The following SSBP2 variants were observed in gnomAD, a reference collection of about 807,000 sequenced individuals.
SSBP2 encodes single stranded DNA binding protein 2.
Under a neutral mutation model 61.8 loss-of-function variants are expected in SSBP2, and 17 were observed. The ratio of observed to expected loss-of-function variants is 0.28; its 90% CI spans 0.19 to 0.41. SSBP2 has a LOEUF of 0.41. SSBP2 is among the 10% of genes least tolerant of loss of function. SSBP2 has a pLI of 1.00. For missense variants in SSBP2, 310 were observed against 458.7 expected, an observed-to-expected ratio of 0.68 and a Z score of 2.96; for synonymous variants, 139 against 141.3, an observed-to-expected ratio of 0.98 and a Z score of 0.12.
chr5:81,654,814 T>C (rs1197260022), intron 1 of SSBP2, among the ~76,000 whole-genome samples: 1 of 151,968 alleles, frequency 6.6e-6, no homozygotes, highest in Non-Finnish European at 1.5e-5. Context: ...CCATGTCTAG[T>C]AACGTGAGAT....
At chr5:81,622,720 G>A (rs1424950950) in intron 3 of SSBP2, among the ~76,000 whole-genome samples, 1 of 152,040 alleles carries the variant, frequency 6.6e-6, no homozygotes, top group Non-Finnish European at 1.5e-5. Context: ...AACAAAACTT[G>A]GTAAACTGAA....
intron 4 of SSBP2, among the ~76,000 whole-genome samples, chr5:81,585,870 T>G (rs906526405): frequency 6.6e-6 from 1 of 152,118 alleles, no homozygotes; most frequent in Non-Finnish European, 1.5e-5. Flanking sequence ...ATGAGTTCAT[T>G]TTTTTAGATA....
intron 4 of SSBP2, among the ~76,000 whole-genome samples, chr5:81,567,435 C>T (rs1206089310): frequency 6.6e-6 from 1 of 152,188 alleles, no homozygotes; most frequent in Non-Finnish European, 1.5e-5. Flanking sequence ...GTTTGGGAAC[C>T]TCTGCCTAGA....
intron 3 of SSBP2, among the ~76,000 whole-genome samples, chr5:81,635,379 T>G (rs953326752): frequency 6.6e-6 from 1 of 152,172 alleles, no homozygotes; most frequent in Admixed American, 6.5e-5. Flanking sequence ...TTGGGAGTTT[T>G]GAGTTTGATG....
intron 15 of SSBP2, among the ~76,000 whole-genome samples, chr5:81,436,051 C>T (rs950727865): frequency 1.3e-5 from 2 of 151,632 alleles, no homozygotes; most frequent in African/African-American, 4.9e-5. Context: ...AGCAAGGCTT[C>T]GTGGTATGAG....
intron 6 of SSBP2, among the ~76,000 whole-genome samples, chr5:81,477,797 A>C (rs1765693902): frequency 6.6e-6 from 1 of 152,216 alleles, no homozygotes; most frequent in East Asian, 1.9e-4. Context: ...CTACTGTCAC[A>C]GAATAATAAA....
chr5:81,519,364 C>T (rs905100504), intron 4 of SSBP2, among the ~76,000 whole-genome samples: 1 of 152,120 alleles, frequency 6.6e-6, no homozygotes, highest in Non-Finnish European at 1.5e-5. Context: ...ATATACACTA[C>T]TTTTACATAA....
intron 4 of SSBP2, among the ~76,000 whole-genome samples, chr5:81,585,568 T>C (rs1774998202): frequency 1.3e-5 from 2 of 152,068 alleles, no homozygotes; most frequent in South Asian, 4.1e-4. Context: ...TATATATATA[T>C]ATGGTTTACA....
At chr5:81,623,670 G>A (rs1048321680) in intron 3 of SSBP2, among the ~76,000 whole-genome samples, 1 of 152,026 alleles carries the variant, frequency 6.6e-6, no homozygotes, top group African/African-American at 2.4e-5. Flanking sequence ...CTCACACAAT[G>A]GACTGGGGGG....
intron 3 of SSBP2, among the ~76,000 whole-genome samples, chr5:81,616,793 C>A (rs1269473397): frequency 1.3e-5 from 2 of 151,824 alleles, no homozygotes; most frequent in Non-Finnish European, 2.9e-5. Flanking sequence ...GGTCCCTGAC[C>A]CCTGTGCCCC....
intron 8 of SSBP2, among the ~76,000 whole-genome samples, chr5:81,472,425 C>G (rs1765308976): frequency 6.6e-6 from 1 of 152,002 alleles, no homozygotes; most frequent in African/African-American, 2.4e-5. Flanking sequence ...TAGTATTATG[C>G]TTGTTCAATA....
intron 11 of SSBP2, among the ~76,000 whole-genome samples, chr5:81,447,697 G>C (rs1763492777): frequency 6.6e-6 from 1 of 152,072 alleles, no homozygotes; most frequent in South Asian, 2.1e-4. Flanking sequence ...ATTCAGGGTG[G>C]TATGGCTATA....
intron 1 of SSBP2, among the ~76,000 whole-genome samples, chr5:81,716,671 T>C (rs1246949240): frequency 2.6e-5 from 4 of 152,212 alleles, no homozygotes; most frequent in South Asian, 4.1e-4. Flanking sequence ...AACTCCTTAA[T>C]ACTCCATTTT....
At chr5:81,695,499 CT>C (rs1195406732) in intron 1 of SSBP2, among the ~76,000 whole-genome samples, 1 of 122,768 alleles carries the variant, frequency 8.1e-6, no homozygotes, top group Non-Finnish European at 1.7e-5. Flanking sequence ...TCCCTCCCCC[CT>C]CCCCCCACCC....
At chr5:81,487,665 T>C (rs901537297) in intron 6 of SSBP2, among the ~76,000 whole-genome samples, 2 of 151,998 alleles carry the variant, frequency 1.3e-5, no homozygotes, top group African/African-American at 2.4e-5. Flanking sequence ...TTAAGTTGTA[T>C]AATGTGATGA....
intron 4 of SSBP2, among the ~76,000 whole-genome samples, chr5:81,574,422 T>C (rs915750640): frequency 3.3e-5 from 5 of 151,608 alleles, no homozygotes; most frequent in African/African-American, 1.2e-4. Context: ...GCATAAATGA[T>C]AGATAGGACA....
chr5:81,575,956 T>C (rs1005522820), intron 4 of SSBP2, among the ~76,000 whole-genome samples: 1 of 152,194 alleles, frequency 6.6e-6, no homozygotes, highest in Non-Finnish European at 1.5e-5. Flanking sequence ...CTTTGCATTA[T>C]TGTCAATTCA....
At chr5:81,702,691 T>A (rs1329180972) in intron 1 of SSBP2, among the ~76,000 whole-genome samples, 4 of 152,180 alleles carry the variant, frequency 2.6e-5, no homozygotes, top group Non-Finnish European at 5.9e-5. Flanking sequence ...TTTCAGAGAA[T>A]CCAAATGCCA....
At chr5:81,630,839 A>C (rs1288353422) in intron 3 of SSBP2, among the ~76,000 whole-genome samples, 2 of 152,088 alleles carry the variant, frequency 1.3e-5, no homozygotes, top group Admixed American at 6.5e-5. Flanking sequence ...TGTAGGAATA[A>C]GTTAAATTCA....
Sources: allele counts gnomAD v4.1 joint callset (sites outside exome capture counted in the v4.1 genomes callset), GRCh38; gene constraint gnomAD v4.1.1; transcripts MANE v1.5; gene names NCBI Gene and HGNC (gene_info 2026-07-23, HGNC 2026-07-21).